Variants in MXD1 observed in about 807,000 individuals in gnomAD.
MXD1 encodes MAX dimerization protein 1.
MXD1 carries 9 observed loss-of-function variants against 25.7 expected under a neutral mutation model. That is an observed-to-expected ratio of 0.35 (90% CI 0.21 to 0.61). MXD1 has a LOEUF of 0.61. MXD1 is among the 20% of genes least tolerant of loss of function. The probability of loss-of-function intolerance (pLI) is 0.75; values close to 1 mark genes in which losing one functional copy is unlikely to be tolerated. For missense variants in MXD1, 227 were observed against 292.4 expected (o/e 0.78, Z 1.63); for synonymous variants, 99 against 113.9 (o/e 0.87, Z 0.83).
chr2:69,930,127 C>T (rs1216614703), intron 3 of MXD1, among the ~76,000 whole-genome samples: 1 of 152,136 alleles, frequency 6.6e-6, no homozygotes, highest in African/African-American at 2.4e-5. Context: ...GATTCATATC[C>T]AGGAATCTGC....
rs1204515467 is a variant in MXD1, at chr2:69,941,723, T to C, written c.*3439T>C. The C allele has an allele frequency of 6.6e-6, 1 of 151,670 alleles. No individual in the cohort carries two copies. The highest frequency in any genetic ancestry group is 1.5e-5 in the Non-Finnish European group (1 of 68,024). 9.4% of individuals were successfully genotyped at this position (151,670 alleles called of 1,614,324 possible). ...AATCCTGGGGGATAAGAAAAAAGTG[T>C]AAACTAGGTAGGATTGTGATGCTCA... On this transcript the variant is annotated 3_prime_UTR_variant, in exon 6 of 6. Coordinates refer to ENST00000264444, the MANE Select transcript of MXD1 (RefSeq NM_002357.4).
At position 69,938,093 on chromosome 2, in the gene MXD1, G is replaced by A; in HGVS notation, c.479-4G>A. The A allele has an allele frequency of 6.2e-7, 1 of 1,613,624 alleles. No individual in the cohort carries two copies. The highest frequency in any genetic ancestry group is 2.2e-5 in the East Asian group (1 of 44,882). On this transcript the variant is annotated splice_polypyrimidine_tract_variant and splice_region_variant and intron_variant, in intron 5 of 5. Transcript: ENST00000264444. ...AATGTCCTTCTCTCTTGTCCTCCCT[G>A]CAGAAGAAATCGACGTTGACGTGGA...
At chr2:69,923,987 T>C (rs1677122724) in intron 3 of MXD1, among the ~76,000 whole-genome samples, 1 of 152,268 alleles carries the variant, frequency 6.6e-6, no homozygotes, top group South Asian at 2.1e-4. Flanking sequence ...TTTGTGACTT[T>C]TGCCTCTGCA....
intron 3 of MXD1, among the ~76,000 whole-genome samples, chr2:69,922,127 A>C (rs1677076541): frequency 6.6e-6 from 1 of 152,244 alleles, no homozygotes; most frequent in Non-Finnish European, 1.5e-5. Flanking sequence ...ATATACACAG[A>C]TATATATACA....
In MXD1 at chr2:69,915,283, C is replaced by G. The variant is rs372761313; in HGVS notation, c.-48C>G. The G allele has an allele frequency of 1.5e-6, 2 of 1,296,138 alleles. No homozygotes were observed. Among genetic ancestry groups the G allele is most frequent in the Non-Finnish European group, 9.9e-7 (1 of 1,012,730 alleles). The allele number at this position is 1,296,138 out of a possible 1,614,324, so 80.3% of individuals were successfully genotyped here. ...ACAGCGGTCCGGCGGCGGCAGCGAG[C>G]CCGTGGGCAGTGGGGGTTGGTCCCG... On this transcript the variant is annotated 5_prime_UTR_variant, in exon 1 of 6. Coordinates refer to ENST00000264444, the MANE Select transcript of MXD1 (RefSeq NM_002357.4). The surrounding 1 kb of genome is among the most constrained non-coding windows in gnomAD (Gnocchi z 5.8).
intron 3 of MXD1, among the ~76,000 whole-genome samples, chr2:69,933,067 C>T (rs1045325556): frequency 6.6e-6 from 1 of 151,616 alleles, no homozygotes; most frequent in Non-Finnish European, 1.5e-5. Context: ...GACGTGGTGG[C>T]GGGCGCCTGT....
At chr2:69,936,150 C>G (rs923381622) in intron 4 of MXD1, among the ~76,000 whole-genome samples, 4 of 152,068 alleles carry the variant, frequency 2.6e-5, no homozygotes, top group African/African-American at 4.8e-5. Flanking sequence ...TCTACTTATT[C>G]TTCAGATCAC....
At position 69,915,450 on chromosome 2, in the gene MXD1, C is replaced by T. The variant is rs1676943953; in HGVS notation, c.73+47C>T. ...TCCACTCGAAACGAGGCCGGGGGTC[C>T]TGTGGGGCCGGCCTCAGGTCCGGGC... is the stretch of plus-strand genomic sequence containing the variant. On this transcript the variant is annotated intron_variant, in intron 1 of 5. Transcript: ENST00000264444. This position sits in a 1 kb window ranked among gnomAD's most constrained non-coding sequence, Gnocchi z 5.8. 8.0e-7 allele frequency: 1 copy of T among 1,250,886 alleles called. No individual in the cohort carries two copies. Among genetic ancestry groups the T allele is most frequent in the African/African-American group, 1.6e-5 (1 of 64,290 alleles). The allele number at this position is 1,250,886 out of a possible 1,614,324, so 77.5% of individuals were successfully genotyped here.
At chr2:69,930,931 G>A (rs1169772241) in intron 3 of MXD1, among the ~76,000 whole-genome samples, 3 of 152,222 alleles carry the variant, frequency 2.0e-5, no homozygotes, top group African/African-American at 2.4e-5. Context: ...TTCTACTGAT[G>A]AGGAAACTGA....
chr2:69,916,791 T>C (rs1185064100), intron 2 of MXD1, among the ~76,000 whole-genome samples: 1 of 152,238 alleles, frequency 6.6e-6, no homozygotes, highest in African/African-American at 2.4e-5. Flanking sequence ...TAGAGGAATA[T>C]ATAATACCAA....
At chr2:69,929,249 A>C (rs1399811914) in intron 3 of MXD1, among the ~76,000 whole-genome samples, 1 of 152,130 alleles carries the variant, frequency 6.6e-6, no homozygotes, top group Non-Finnish European at 1.5e-5. Context: ...GCTTCCTTCA[A>C]ACACACACAC....
chr2:69,922,279 G>A (rs1339894226), intron 3 of MXD1, among the ~76,000 whole-genome samples: 1 of 152,152 alleles, frequency 6.6e-6, no homozygotes, highest in East Asian at 1.9e-4. Context: ...CTAACTAGAG[G>A]AGGACTGCCA....
intron 5 of MXD1, 34 bp downstream of exon 5, chr2:69,937,428 T>C (rs745537801): frequency 3.9e-6 from 6 of 1,549,132 alleles, no homozygotes; most frequent in South Asian, 2.4e-5. Flanking sequence ...CTGTCTCCCT[T>C]GTGCTCCCCA....
intron 4 of MXD1, among the ~76,000 whole-genome samples, chr2:69,936,632 A>G (rs538092483): frequency 6.6e-6 from 1 of 152,364 alleles, no homozygotes; most frequent in South Asian, 2.1e-4. Context: ...TCTGAAGAAT[A>G]TGAGAAGCTG....
intron 2 of MXD1, among the ~76,000 whole-genome samples, chr2:69,918,258 A>G (rs567669996): frequency 6.6e-6 from 1 of 152,318 alleles, no homozygotes; most frequent in Admixed American, 6.5e-5. Context: ...ACAGGTTGAA[A>G]TGCTGTGCTT....
chr2:69,920,467 T>C (rs1173259027), intron 2 of MXD1, among the ~76,000 whole-genome samples: 1 of 152,182 alleles, frequency 6.6e-6, no homozygotes, highest in Non-Finnish European at 1.5e-5. Context: ...AGGTTGGAAA[T>C]TTCTCATTTC....
chr2:69,937,190 A>G, intron 4 of MXD1, 45 bp from the exon 5 acceptor site: 1 of 1,608,770 alleles, frequency 6.2e-7, no homozygotes, highest in Non-Finnish European at 8.5e-7. Flanking sequence ...TTGCCCATTT[A>G]GAGATCTCCC....
rs780007950 is a variant in MXD1 at position 69,935,361 on chromosome 2, C to A, written c.214C>A (p.Leu72Ile). 1.2e-6 allele frequency: 2 copies of A among 1,613,520 alleles called. No homozygotes were observed. The highest frequency in any genetic ancestry group is 3.3e-5 in the Admixed American group (2 of 60,004). ...NEMEKNRRAH[L>I]RLCLEKLKGL... The stretch of plus-strand genomic sequence containing the variant: ...GTCTTGTTTTCATAGACGGGCTCAT[C>A]TTCGCTTGTGCCTGGAGAAGTTGAA... The change falls in exon 4 of 6, where the codon CTT (leucine) becomes ATT (isoleucine). Residue 72 changes from leucine to isoleucine, a missense_variant. Leu to Ile is a conservative substitution (Grantham distance 5). Transcript: ENST00000264444.
rs751295221 is a variant in MXD1 at position 69,941,734 on chromosome 2, G to A, written c.*3450G>A. The A allele has an allele frequency of 3.3e-5, 5 of 152,094 alleles. No homozygotes were observed. Among genetic ancestry groups the A allele is most frequent in the Admixed American group, 2.0e-4 (3 of 15,266 alleles). 9.4% of individuals were successfully genotyped at this position (152,094 alleles called of 1,614,324 possible). On this transcript the variant is annotated 3_prime_UTR_variant, in exon 6 of 6. Transcript: ENST00000264444. ...ATAAGAAAAAAGTGTAAACTAGGTA[G>A]GATTGTGATGCTCAAAATAACCATC... is the stretch of plus-strand genomic sequence containing the variant.
Sources: allele counts gnomAD v4.1 joint callset (sites outside exome capture counted in the v4.1 genomes callset), GRCh38; gene constraint gnomAD v4.1.1; non-coding constraint Gnocchi (gnomAD v3.1); transcripts MANE v1.5; gene names NCBI Gene and HGNC (gene_info 2026-07-23, HGNC 2026-07-21).